Variants in HACD2 observed in about 807,000 individuals in gnomAD.
HACD2 encodes the protein 3-hydroxyacyl-CoA dehydratase 2.
HACD2 carries 15 observed loss-of-function variants against 31.0 expected under a neutral mutation model. The observed-to-expected ratio is 0.48, with a 90% CI of 0.32 to 0.75. HACD2 has a LOEUF of 0.75. Ranked by LOEUF, HACD2 falls within the 30% of genes least tolerant of loss-of-function variation. HACD2 has a pLI of 0.03. For synonymous variants in HACD2, 115 were observed against 122.2 expected (o/e 0.94, Z 0.39); for missense variants, 283 against 313.0 (o/e 0.90, Z 0.72).
intron 3 of HACD2, among the ~76,000 whole-genome samples, chr3:123,534,496 T>C (rs1181074385): frequency 6.6e-6 from 1 of 152,026 alleles, no homozygotes; most frequent in Non-Finnish European, 1.5e-5. Flanking sequence ...AAAAGTCATA[T>C]AAAATATAGC....
At chr3:123,561,360 C>G (rs1300342651) in intron 3 of HACD2, among the ~76,000 whole-genome samples, 1 of 152,156 alleles carries the variant, frequency 6.6e-6, no homozygotes, top group African/African-American at 2.4e-5. Context: ...CAGCAAATAT[C>G]TGAAACCACA....
rs867980709 is a variant in HACD2, at chr3:123,494,903, G to T, written c.750C>A (p.His250Gln). The T allele has an allele frequency of 1.3e-6, 2 of 1,555,008 alleles. No individual in the cohort carries two copies. The highest frequency in any genetic ancestry group is 1.2e-5 in the South Asian group (1 of 84,088). Residue 250 changes from histidine (H) to glutamine (Q), a missense_variant, in exon 7 of 7, where the codon CAC becomes CAA. His to Gln is a conservative substitution (Grantham distance 24, BLOSUM62 0). This residue lies in a region of HACD2 where 40 missense variants were observed against 35.1 expected (regional missense o/e 1.14). Transcript: ENST00000383657. Reference sequence around the variant, plus strand: ...AAAGCAGGAACTATTCAAATTTCTTGTGTTCTTCAGTATGAGAAAGGATCT... The same window carrying T: ...AAAGCAGGAACTATTCAAATTTCTTTTGTTCTTCAGTATGAGAAAGGATCT... ...RRKILSHTEE[H>Q]KKFE
rs1169542728 is a variant in HACD2, at chr3:123,492,194, G to A, written c.*2694C>T. The A allele has an allele frequency of 6.6e-6, 1 of 152,236 alleles. No individual in the cohort carries two copies. The highest frequency in any genetic ancestry group is 2.4e-5 in the African/African-American group (1 of 41,456). The allele number at this position is 152,236 out of a possible 1,614,324, so 9.4% of individuals were successfully genotyped here. ...GCAGCAAGATGTAGATTAGCAGTCT[G>A]TGCTGACAAAAGCACTACTGCGGAC... On this transcript the variant is annotated 3_prime_UTR_variant, in exon 7 of 7. Transcript: ENST00000383657.
chr3:123,571,731 C>A (rs2056857682), intron 2 of HACD2, among the ~76,000 whole-genome samples: 1 of 152,142 alleles, frequency 6.6e-6, no homozygotes, highest in African/African-American at 2.4e-5. Context: ...AGCAAAGAAC[C>A]CAGTCAAGCC....
At chr3:123,503,537 G>A (rs1179043706) in intron 4 of HACD2, among the ~76,000 whole-genome samples, 2 of 151,952 alleles carry the variant, frequency 1.3e-5, no homozygotes, top group Non-Finnish European at 2.9e-5. Flanking sequence ...GTTTAAAAGA[G>A]CCCCTAGGTG....
chr3:123,500,865 T>A (rs779582565), intron 5 of HACD2, among the ~76,000 whole-genome samples, 172 bp from the exon 6 acceptor site: 3 of 152,238 alleles, frequency 2.0e-5, no homozygotes, highest in Non-Finnish European at 4.4e-5. Flanking sequence ...GAAACCAGCC[T>A]ACAGCAGGTA....
chr3:123,525,253 T>C (rs1053445279), intron 4 of HACD2, among the ~76,000 whole-genome samples: 2 of 152,204 alleles, frequency 1.3e-5, no homozygotes, highest in Non-Finnish European at 2.9e-5. Flanking sequence ...GTATTTGCTA[T>C]GTTAGGTCAA....
intron 6 of HACD2, among the ~76,000 whole-genome samples, chr3:123,496,063 G>T (rs532274532): frequency 6.6e-6 from 1 of 152,220 alleles, no homozygotes; most frequent in Non-Finnish European, 1.5e-5. Flanking sequence ...GTCTTACTTT[G>T]TCACCCAGGC....
At chr3:123,498,535 T>C (rs1009104496) in intron 6 of HACD2, among the ~76,000 whole-genome samples, 2 of 152,232 alleles carry the variant, frequency 1.3e-5, no homozygotes, top group Admixed American at 6.5e-5. Flanking sequence ...TAGATTCTCA[T>C]AGAAGTGTGA....
chr3:123,513,928 G>A (rs2056099356), intron 4 of HACD2, among the ~76,000 whole-genome samples: 1 of 152,146 alleles, frequency 6.6e-6, no homozygotes, highest in African/African-American at 2.4e-5. Context: ...GTGATAGGAT[G>A]TTACACACAG....
rs148327633 is a variant in HACD2, at chr3:123,517,359, C to T, written c.381+11027G>A. The stretch of plus-strand genomic sequence containing the variant: ...TCCTTAGTCCTGTTTGATTTGCTCA[C>T]CTCCAAAAAGCGTGTTACTAACTGA... On this transcript the variant is annotated intron_variant, in intron 4 of 6. Coordinates refer to ENST00000383657, the MANE Select transcript of HACD2 (RefSeq NM_198402.5). Among the ~76,000 whole-genome samples the T allele has an allele frequency of 4.3e-3, 660 of 152,308 alleles. 4 individuals carry two copies. The highest frequency in any genetic ancestry group is 0.015 in the African/African-American group (642 of 41,568).
At chr3:123,525,089 G>C (rs1387610266) in intron 4 of HACD2, among the ~76,000 whole-genome samples, 1 of 152,100 alleles carries the variant, frequency 6.6e-6, no homozygotes, top group Non-Finnish European at 1.5e-5. Context: ...CAAGATTTTC[G>C]CAAGCATCCT....
intron 4 of HACD2, among the ~76,000 whole-genome samples, chr3:123,527,259 T>C (rs2056296079): frequency 1.3e-5 from 2 of 152,348 alleles, no homozygotes; most frequent in Middle Eastern, 3.4e-3. Flanking sequence ...AGTCCTTGCT[T>C]ATCTGAAGTT....
At chr3:123,506,543 C>T (rs1482788784) in intron 4 of HACD2, among the ~76,000 whole-genome samples, 1 of 152,196 alleles carries the variant, frequency 6.6e-6, no homozygotes, top group South Asian at 2.1e-4. Flanking sequence ...GATCCTCCCA[C>T]CTCAGTCTCA....
At chr3:123,538,418 T>C (rs1202238601) in intron 3 of HACD2, among the ~76,000 whole-genome samples, 1 of 152,244 alleles carries the variant, frequency 6.6e-6, no homozygotes, top group African/African-American at 2.4e-5. Context: ...ACTACATATA[T>C]TCATGCTTAA....
intron 3 of HACD2, among the ~76,000 whole-genome samples, chr3:123,540,303 AAAT>A (rs2056474312): frequency 6.6e-6 from 1 of 152,120 alleles, no homozygotes; most frequent in Non-Finnish European, 1.5e-5. Flanking sequence ...TACAGGTAAA[AAAT>A]AATAAATTGG....
chr3:123,551,020 T>C (rs904162606), intron 3 of HACD2, among the ~76,000 whole-genome samples: 6 of 152,168 alleles, frequency 3.9e-5, no homozygotes, highest in Non-Finnish European at 7.3e-5. Flanking sequence ...CTCACTCACC[T>C]TGAGTGGCAG....
intron 2 of HACD2, among the ~76,000 whole-genome samples, chr3:123,572,784 G>A (rs374555774): frequency 6.6e-6 from 1 of 152,220 alleles, no homozygotes. Flanking sequence ...AGTCTCAAAG[G>A]GAACAGAAAC....
intron 3 of HACD2, among the ~76,000 whole-genome samples, chr3:123,545,902 G>A (rs2056554506): frequency 6.6e-6 from 1 of 151,550 alleles, no homozygotes; most frequent in South Asian, 2.1e-4. Context: ...GTAGAGATGG[G>A]GTTTCACCAT....
Sources: gnomAD v4.1 joint callset for allele counts (sites outside exome capture counted in the v4.1 genomes callset) on GRCh38, gnomAD v4.1.1 for gene constraint, gnomAD v4.1.1 regional missense constraint, MANE v1.5 for transcripts, NCBI Gene and HGNC (gene_info 2026-07-23, HGNC 2026-07-21) for gene names.